Variants in RPN1 observed in about 807,000 individuals in gnomAD.
RPN1 encodes the protein dolichyl-diphosphooligosaccharide--protein glycosyltransferase subunit 1.
Under a neutral mutation model 55.5 loss-of-function variants are expected in RPN1, and 12 were observed. The observed-to-expected ratio is 0.22, with a 90% CI of 0.14 to 0.35. The LOEUF (loss-of-function observed/expected upper bound fraction) is 0.35. Among genes scored for constraint, RPN1 ranks in the 10% least tolerant of loss-of-function variants. RPN1 has a pLI of 1.00. For missense variants in RPN1, 679 were observed against 761.3 expected (o/e 0.89, Z 1.27); for synonymous variants, 317 against 305.9 (o/e 1.04, Z -0.38).
At chr3:128,649,414 G>T (rs1222255288) in intron 1 of RPN1, among the ~76,000 whole-genome samples, 1 of 152,146 alleles carries the variant, frequency 6.6e-6, no homozygotes, top group African/African-American at 2.4e-5. Context: ...AAATTTACAT[G>T]AAGTTTTGAT....
At chr3:128,633,886 G>A (rs1374886416) in intron 3 of RPN1, among the ~76,000 whole-genome samples, 1 of 152,062 alleles carries the variant, frequency 6.6e-6, no homozygotes, top group Non-Finnish European at 1.5e-5. Context: ...AGGAGGCTGA[G>A]GTAGGAGAAT....
rs926666482 is a variant in RPN1 at position 128,630,152 on chromosome 3, G to C, written c.844-9C>G. On this transcript the variant is annotated splice_polypyrimidine_tract_variant and intron_variant, in intron 4 of 9. Transcript: ENST00000296255. ...GCAGCAGGAAGGATGGTCTGCAAGA[G>C]AGTGGATATGCCCTTCTAAAACTCC... The C allele has an allele frequency of 1.9e-6, 3 of 1,602,870 alleles. No individual in the cohort carries two copies. Among genetic ancestry groups the C allele is most frequent in the African/African-American group, 1.3e-5 (1 of 74,660 alleles).
rs924244119 is a variant in RPN1 at position 128,650,563 on chromosome 3, G to A, written c.238C>T (p.Arg80Trp). Residue 80 changes from arginine to tryptophan, a missense_variant, in exon 1 of 10, where the codon CGG (arginine) becomes TGG (tryptophan). Physicochemically the swap from Arg to Trp is moderately radical, Grantham distance 101. Transcript: ENST00000296255. ...LLALEPELEA[R>W]LAHLGVQVKG... ...ACCTGCACGCCCAGGTGCGCCAGCC[G>A]GGCCTCGAGCTCAGGCTCCAAAGCC... 2 of 1,544,242 alleles carry A rather than the reference G, an allele frequency of 1.3e-6. No individual in the cohort carries two copies. The highest frequency in any genetic ancestry group is 2.4e-5 in the South Asian group (2 of 83,900).
At position 128,635,690 on chromosome 3, in the gene RPN1, TACACAC is replaced by T. The variant is rs71153135; in HGVS notation, c.633+2103_633+2108del. On this transcript the variant is annotated intron_variant, in intron 3 of 9. Coordinates refer to ENST00000296255, the MANE Select transcript of RPN1 (RefSeq NM_002950.4). ...AGATATCTATAGATATCTATAGATA[TACACAC>T]ACACACACACACACACACACGTGTA... Among the ~76,000 whole-genome samples, 71 of 138,274 alleles carry T rather than the reference TACACAC, an allele frequency of 5.1e-4. No individual in the cohort carries two copies. In the East Asian group the frequency reaches 0.01, roughly 20 times the overall value. 90.7% of individuals were successfully genotyped at this position (138,274 alleles called of 152,430 possible). A position where few individuals can be genotyped will look rare whatever the true frequency, so the allele number is the denominator to read the frequency against.
intron 1 of RPN1, among the ~76,000 whole-genome samples, chr3:128,649,279 G>A (rs543875506): frequency 6.6e-6 from 1 of 152,334 alleles, no homozygotes; most frequent in East Asian, 1.9e-4. Flanking sequence ...CTAGCTCGCA[G>A]GCATGATGGC....
chr3:128,642,025 A>G (rs1005219460), intron 2 of RPN1, among the ~76,000 whole-genome samples: 1 of 152,220 alleles, frequency 6.6e-6, no homozygotes, highest in Non-Finnish European at 1.5e-5. Flanking sequence ...CCCAGGCAGT[A>G]AAGATGCAAA....
At chr3:128,643,702 G>C (rs1266927519) in intron 2 of RPN1, among the ~76,000 whole-genome samples, 2 of 151,958 alleles carry the variant, frequency 1.3e-5, no homozygotes, top group Non-Finnish European at 2.9e-5. Flanking sequence ...AGGCTGCACA[G>C]GACAATCACT....
In RPN1 at chr3:128,643,324, T is replaced by C. The variant is rs538765162; in HGVS notation, c.326+1595A>G. ...TCTGGGCAACAAGACCAAGACTCCA[T>C]CTCCAAAAAAAAAAAAAAACAAAGA... On this transcript the variant is annotated intron_variant, in intron 2 of 9. Transcript: ENST00000296255. 3.6e-5 allele frequency among the ~76,000 whole-genome samples: 5 copies of C among 138,340 alleles called. No homozygotes were observed. The East Asian group carries it at 8.5e-4, about 24-fold the overall frequency. 90.8% of individuals were successfully genotyped at this position (138,340 alleles called of 152,430 possible).
In RPN1 at chr3:128,620,246, G is replaced by A. The variant is rs993504234; in HGVS notation, c.*165C>T. ...AAAAAAAAGAAAGTTAAGGACAAAC[G>A]GCAAACTCACACTGCCTGACGCAGG... On this transcript the variant is annotated 3_prime_UTR_variant, in exon 10 of 10. Transcript: ENST00000296255. 34 of 437,182 alleles carry A rather than the reference G, an allele frequency of 7.8e-5. No individual in the cohort carries two copies. Among genetic ancestry groups the A allele is most frequent in the South Asian group, 3.7e-4 (4 of 10,784 alleles). 27.1% of individuals were successfully genotyped at this position (437,182 alleles called of 1,614,324 possible).
chr3:128,640,307 T>A (rs1346728276), intron 2 of RPN1, among the ~76,000 whole-genome samples: 1 of 152,224 alleles, frequency 6.6e-6, no homozygotes, highest in Admixed American at 6.5e-5. Context: ...AAAATTGAAT[T>A]AATAAGCTTC....
At chr3:128,629,892 G>GAA in intron 5 of RPN1, 59 bp downstream of exon 5, 14 of 951,472 alleles carry the variant, frequency 1.5e-5, no homozygotes, top group Middle Eastern at 2.3e-4. Flanking sequence ...ATAATTGAAA[G>GAA]AAAAAAATTC....
Position 128,625,519 on chromosome 3 carries a change from A to C in RPN1, c.1395+15T>G. 1 of 1,614,032 alleles carries C rather than the reference A, an allele frequency of 6.2e-7. No individual in the cohort carries two copies. The highest frequency in any genetic ancestry group is 1.3e-5 in the African/African-American group (1 of 75,022). ...AGGACACAAATGACAAGCAGGAAGA[A>C]GGCAGAGACGGTACCTTGGTGATGG... On this transcript the variant is annotated intron_variant, in intron 8 of 9. Coordinates refer to ENST00000296255, the MANE Select transcript of RPN1 (RefSeq NM_002950.4).
chr3:128,637,236 T>C (rs1311874916), intron 3 of RPN1, among the ~76,000 whole-genome samples: 1 of 151,432 alleles, frequency 6.6e-6, no homozygotes, highest in Non-Finnish European at 1.5e-5. Context: ...GGATCCTGTC[T>C]CTTAAAAAAA....
At position 128,625,843 on chromosome 3, in the gene RPN1, G is replaced by A. The variant is rs781392766; in HGVS notation, c.1275+31C>T. ...CCAGAGCCCACTGTCTGGGGAAGAC[G>A]CCATGGAAGGCAAACAGTGGAGCCA... is the stretch of plus-strand genomic sequence containing the variant. On this transcript the variant is annotated intron_variant, in intron 7 of 9. Transcript: ENST00000296255. 15 of 1,594,058 alleles carry A rather than the reference G, an allele frequency of 9.4e-6. No homozygotes were observed. In the East Asian group the frequency reaches 1.1e-4, roughly 12 times the overall value.
At chr3:128,649,530 T>C (rs1266778650) in intron 1 of RPN1, among the ~76,000 whole-genome samples, 1 of 152,250 alleles carries the variant, frequency 6.6e-6, no homozygotes, top group Non-Finnish European at 1.5e-5. Context: ...CCCATCTTTA[T>C]AGCTCCATAT....
At chr3:128,636,796 A>G (rs1413365406) in intron 3 of RPN1, among the ~76,000 whole-genome samples, 2 of 152,210 alleles carry the variant, frequency 1.3e-5, no homozygotes, top group African/African-American at 4.8e-5. Flanking sequence ...TAATCCTCCC[A>G]TATTGGCCTC....
At chr3:128,645,081 G>A (rs980295616) in intron 1 of RPN1, 98 bp from the exon 2 acceptor site, 4 of 711,232 alleles carry the variant, frequency 5.6e-6, no homozygotes, top group Non-Finnish European at 7.5e-6. Flanking sequence ...CATTAAAGCA[G>A]TCAAACTATC....
Position 128,645,246 on chromosome 3 carries a change from C to T in RPN1, c.262-263G>A, listed in dbSNP as rs536081155. 9.2e-5 allele frequency among the ~76,000 whole-genome samples: 14 copies of T among 151,970 alleles called. No homozygotes were observed. In the South Asian group the frequency reaches 2.7e-3, roughly 29 times the overall value. ...CAGCACTTTGGGAGGCCAAAGTGGG[C>T]GGATCACCTGAGGTCAGGAGTTCGA... On this transcript the variant is annotated intron_variant, in intron 1 of 9. Coordinates refer to ENST00000296255, the MANE Select transcript of RPN1 (RefSeq NM_002950.4).
At chr3:128,638,565 C>T (rs2069701219) in intron 2 of RPN1, among the ~76,000 whole-genome samples, 1 of 152,112 alleles carries the variant, frequency 6.6e-6, no homozygotes, top group Admixed American at 6.6e-5. Context: ...CTGCAACTTC[C>T]ACCTCCCAGG....
Sources: gnomAD v4.1 joint callset for allele counts (sites outside exome capture counted in the v4.1 genomes callset) on GRCh38, gnomAD v4.1.1 for gene constraint, MANE v1.5 for transcripts, NCBI Gene and HGNC (gene_info 2026-07-23, HGNC 2026-07-21) for gene names.